CACNA2D1: variants seen among roughly 807,000 people sequenced by gnomAD.
CACNA2D1 encodes calcium voltage-gated channel auxiliary subunit alpha2delta 1.
CACNA2D1 carries 53 observed loss-of-function variants against 171.5 expected under a neutral mutation model. The observed-to-expected ratio is 0.31, with a 90% CI of 0.25 to 0.39. The LOEUF is 0.39. CACNA2D1 is among the 10% of genes least tolerant of loss of function. CACNA2D1 has a pLI of 1.00. For missense variants in CACNA2D1, 903 were observed against 1,299.8 expected (o/e 0.69, Z 4.69); for synonymous variants, 442 against 443.1 (o/e 1.00, Z 0.03).
intron 1 of CACNA2D1, among the ~76,000 whole-genome samples, chr7:82,411,062 T>C (rs1042272559): frequency 1.3e-5 from 2 of 152,224 alleles, no homozygotes; most frequent in African/African-American, 4.8e-5. Context: ...AAGCAAGAGT[T>C]TTAAAAGCCA....
intron 3 of CACNA2D1, among the ~76,000 whole-genome samples, chr7:82,211,005 T>C (rs1482729100): frequency 1.3e-5 from 2 of 152,108 alleles, no homozygotes; most frequent in Non-Finnish European, 2.9e-5. Flanking sequence ...GATTTTCCCA[T>C]ATGATGTAAT....
intron 22 of CACNA2D1, among the ~76,000 whole-genome samples, chr7:81,983,896 T>C (rs777901994): frequency 1.3e-5 from 2 of 152,190 alleles, no homozygotes; most frequent in Admixed American, 6.6e-5. Context: ...TTCTTTTGTA[T>C]TTTACTTCAT....
chr7:82,066,284 C>G (rs1314511570), intron 8 of CACNA2D1, among the ~76,000 whole-genome samples, 171 bp downstream of exon 8: 1 of 152,076 alleles, frequency 6.6e-6, no homozygotes, highest in East Asian at 1.9e-4. Flanking sequence ...GCATTACCCA[C>G]TTGAACTCAT....
rs565121488 is a variant in CACNA2D1, at chr7:82,150,257, T to TAAAAAAAAAAA, written c.355-13592_355-13582dup. Among the ~76,000 whole-genome samples the TAAAAAAAAAAA allele has an allele frequency of 6.5e-4, 60 of 92,812 alleles. 2 individuals carry two copies. Among genetic ancestry groups the TAAAAAAAAAAA allele is most frequent in the South Asian group, 1.5e-3 (4 of 2,710 alleles). The allele number at this position is 92,812 out of a possible 152,430, so 60.9% of individuals were successfully genotyped here. On this transcript the variant is annotated intron_variant, in intron 4 of 38. Coordinates refer to ENST00000356860, the MANE Select transcript of CACNA2D1 (RefSeq NM_000722.4). ...CTAACTGCTTTGCTTTAGATCAAATTAAAAAAAAAAAACAAAAACAACAAC... is the reference window on the plus strand; with the variant it reads ...CTAACTGCTTTGCTTTAGATCAAATTAAAAAAAAAAAAAAAAAAAAAAACAAAAACAACAAC...
chr7:82,217,396 T>TAC (rs1801251260), intron 3 of CACNA2D1, among the ~76,000 whole-genome samples: 16 of 18,124 alleles, frequency 8.8e-4, no homozygotes, highest in East Asian at 9.5e-3. Context: ...CACACATACA[T>TAC]ATATATATAT....
intron 7 of CACNA2D1, among the ~76,000 whole-genome samples, chr7:82,082,893 A>G (rs562753600): frequency 2.6e-4 from 40 of 152,160 alleles, no homozygotes; most frequent in African/African-American, 9.4e-4. Flanking sequence ...GAATTACAGA[A>G]TATGTTTTAT....
intron 7 of CACNA2D1, among the ~76,000 whole-genome samples, chr7:82,070,410 T>C (rs1385421801): frequency 1.3e-5 from 2 of 152,210 alleles, no homozygotes; most frequent in Non-Finnish European, 2.9e-5. Context: ...TATCTTAGTA[T>C]AGTAAAGTAC....
intron 2 of CACNA2D1, among the ~76,000 whole-genome samples, chr7:82,345,793 G>A (rs1291997668): frequency 1.3e-5 from 2 of 151,766 alleles, no homozygotes; most frequent in African/African-American, 4.8e-5. Flanking sequence ...TTTGGGGACT[G>A]TTTTCCTATT....
rs1455870059 is a variant in CACNA2D1 at position 81,964,091 on chromosome 7, T to A, written c.2745A>T (p.Ile915=). Reference sequence around the variant, plus strand: ...CAGTGGCCCACCAGCCAATTTGTAATATGTCTGCTACTGATGGCTATAAAA... The same window carrying A: ...CAGTGGCCCACCAGCCAATTTGTAAAATGTCTGCTACTGATGGCTATAAAA... The part of the protein sequence containing the change: ...RSAYVPSVAD[I]LQIGWWATAA... The change falls in exon 34 of 39, where the codon ATA becomes ATT. Residue 915 remains isoleucine, a synonymous_variant. Coordinates refer to ENST00000356860, the MANE Select transcript of CACNA2D1 (RefSeq NM_000722.4). 2 of 1,612,098 alleles carry A rather than the reference T, an allele frequency of 1.2e-6. No homozygotes were observed. Among genetic ancestry groups the A allele is most frequent in the Non-Finnish European group, 1.7e-6 (2 of 1,178,898 alleles).
chr7:82,297,202 G>T (rs761292463), intron 3 of CACNA2D1, among the ~76,000 whole-genome samples: 1 of 152,018 alleles, frequency 6.6e-6, no homozygotes, highest in East Asian at 1.9e-4. Flanking sequence ...AGTGAGCAAG[G>T]TCGTGCCACT....
chr7:82,122,666 G>A (rs1036048161), intron 5 of CACNA2D1, among the ~76,000 whole-genome samples: 1 of 152,110 alleles, frequency 6.6e-6, no homozygotes, highest in Admixed American at 6.6e-5. Context: ...CCTATATTTT[G>A]GGAAGAGAGT....
chr7:82,384,746 C>G (rs949094400), intron 1 of CACNA2D1, among the ~76,000 whole-genome samples: 1 of 152,096 alleles, frequency 6.6e-6, no homozygotes, highest in Admixed American at 6.5e-5. Context: ...GCTTGTTTGT[C>G]TTGTATATAA....
chr7:82,101,656 A>G (rs1216028163), intron 6 of CACNA2D1, among the ~76,000 whole-genome samples: 1 of 152,154 alleles, frequency 6.6e-6, no homozygotes, highest in African/African-American at 2.4e-5. Context: ...TGAGTATAGC[A>G]ATGCTATAGT....
At position 81,974,506 on chromosome 7, in the gene CACNA2D1, G is replaced by A; in HGVS notation, c.2002C>T (p.Leu668Phe). Residue 668 changes from leucine (L) to phenylalanine (F), a missense_variant, in exon 25 of 39, where the codon CTT (leucine) becomes TTT (phenylalanine). This residue lies in a region of CACNA2D1 where 623 missense variants were observed against 925.5 expected (regional missense o/e 0.67). Transcript: ENST00000356860. ...LKISDNNTEF[L>F]LNFNEFIDRK... ...TCAATAAACTCGTTGAAATTTAAAA[G>A]AAATTCAGTGTTATTATCCGATATT... 1 of 1,576,026 alleles carries A rather than the reference G, an allele frequency of 6.3e-7. No individual in the cohort carries two copies. The highest frequency in any genetic ancestry group is 8.7e-7 in the Non-Finnish European group (1 of 1,147,424).
At chr7:82,246,744 C>T (rs1459630177) in intron 3 of CACNA2D1, among the ~76,000 whole-genome samples, 1 of 152,154 alleles carries the variant, frequency 6.6e-6, no homozygotes, top group Non-Finnish European at 1.5e-5. Flanking sequence ...TCATTCTGAA[C>T]TTTATGAAAA....
intron 1 of CACNA2D1, among the ~76,000 whole-genome samples, chr7:82,398,715 C>A (rs1826012295): frequency 6.6e-6 from 1 of 151,772 alleles, no homozygotes; most frequent in Admixed American, 6.6e-5. Flanking sequence ...GTAGCTGGGA[C>A]TACAGGCGTG....
intron 1 of CACNA2D1, among the ~76,000 whole-genome samples, chr7:82,403,019 A>T (rs1826614688): frequency 6.6e-6 from 1 of 152,194 alleles, no homozygotes; most frequent in Non-Finnish European, 1.5e-5. Context: ...CTGGTAGCCA[A>T]CTAAATTTGG....
rs999377698 is a variant in CACNA2D1, at chr7:82,343,728, G to A, written c.177+5840C>T. 2.0e-5 allele frequency among the ~76,000 whole-genome samples: 3 copies of A among 151,848 alleles called. No homozygotes were observed. In the East Asian group the frequency reaches 5.8e-4, roughly 29 times the overall value. ...CATATCTGAAGCTATATATAAATTT[G>A]AATACACATTTTGGCCAGAAAATTC... On this transcript the variant is annotated intron_variant, in intron 2 of 38. Transcript: ENST00000356860.
chr7:82,283,885 G>A (rs1229641097), intron 3 of CACNA2D1, among the ~76,000 whole-genome samples: 1 of 152,042 alleles, frequency 6.6e-6, no homozygotes, highest in East Asian at 1.9e-4. Flanking sequence ...AAAATAAAAA[G>A]ATGCCCACCT....
Sources: gnomAD v4.1 joint callset for allele counts (sites outside exome capture counted in the v4.1 genomes callset) on GRCh38, gnomAD v4.1.1 for gene constraint, gnomAD v4.1.1 regional missense constraint, MANE v1.5 for transcripts, NCBI Gene and HGNC (gene_info 2026-07-23, HGNC 2026-07-21) for gene names.